PDE6C: variants seen among roughly 807,000 people sequenced by gnomAD.
The protein encoded by PDE6C is phosphodiesterase 6C.
A neutral mutation model predicts 113.1 loss-of-function variants in PDE6C; 75 were observed. The observed-to-expected ratio is 0.66, with a 90% CI of 0.55 to 0.80. The LOEUF (loss-of-function observed/expected upper bound fraction) is 0.80. Ranked by LOEUF, PDE6C falls within the 30% of genes least tolerant of loss-of-function variation. PDE6C has a pLI of 0.00. For missense variants in PDE6C, 912 were observed against 1,038.6 expected (o/e 0.88, Z 1.67); for synonymous variants, 375 against 363.7 (o/e 1.03, Z -0.35).
chr10:93,647,484 G>C (rs534749016), intron 15 of PDE6C, among the ~76,000 whole-genome samples: 3 of 152,166 alleles, frequency 2.0e-5, no homozygotes, highest in Admixed American at 6.5e-5. Context: ...AACTGCTTGC[G>C]TTGTTTTAAC....
Position 93,613,091 on chromosome 10 carries a change from G to C in PDE6C, c.366G>C (p.Lys122Asn). The C allele has an allele frequency of 6.2e-7, 1 of 1,614,208 alleles. No homozygotes were observed. The highest frequency in any genetic ancestry group is 8.5e-7 in the Non-Finnish European group (1 of 1,180,034). Residue 122 changes from lysine to asparagine, a missense_variant, in exon 1 of 22, where the codon AAG (lysine) becomes AAC (asparagine). Physicochemically the swap from Lys to Asn is moderately conservative, Grantham distance 94 (BLOSUM62 0). Coordinates refer to ENST00000371447, the MANE Select transcript of PDE6C (RefSeq NM_006204.4). Reference protein sequence around the residue: ...SRLLDVTPTSKFEDNLVGPDK... With the variant: ...SRLLDVTPTSNFEDNLVGPDK... Reference sequence around the variant, plus strand: ...TGCTGGATGTCACCCCCACCTCCAAGTTTGAGGACAACCTGGTGGGCCCTG... The same window carrying C: ...TGCTGGATGTCACCCCCACCTCCAACTTTGAGGACAACCTGGTGGGCCCTG...
chr10:93,655,610 CAAAAAAAAA>C, intron 15 of PDE6C, 141 bp from the exon 16 acceptor site: 1 of 265,130 alleles, frequency 3.8e-6, no homozygotes, highest in African/African-American at 4.9e-5. Flanking sequence ...AAAAGCAAGC[CAAAAAAAAA>C]AAAAAAAAAG....
At chr10:93,655,314 A>G (rs186053704) in intron 15 of PDE6C, among the ~76,000 whole-genome samples, 1 of 152,300 alleles carries the variant, frequency 6.6e-6, no homozygotes, top group East Asian at 1.9e-4. Context: ...CTGAAAGACC[A>G]GTGGTTTCTA....
At chr10:93,659,481 C>A (rs1399121838) in intron 18 of PDE6C, among the ~76,000 whole-genome samples, 3 of 152,036 alleles carry the variant, frequency 2.0e-5, no homozygotes, top group African/African-American at 4.8e-5. Flanking sequence ...TAAAGACATA[C>A]CCGAGACTGG....
chr10:93,665,813 G>C lies in PDE6C; in HGVS notation c.*395G>C. ...GGGGCTGGAAGTTCAAGATCAAGGA[G>C]TTGGCAGGGTTGGTTTCTTGGGAGG... On this transcript the variant is annotated 3_prime_UTR_variant, in exon 22 of 22. Coordinates refer to ENST00000371447, the MANE Select transcript of PDE6C (RefSeq NM_006204.4). The C allele has an allele frequency of 3.8e-6, 1 of 263,988 alleles. No homozygotes were observed. Among genetic ancestry groups the C allele is most frequent in the Non-Finnish European group, 7.3e-6 (1 of 136,864 alleles). 16.4% of individuals were successfully genotyped at this position (263,988 alleles called of 1,614,324 possible). A position where few individuals can be genotyped will look rare whatever the true frequency, so the allele number is the denominator to read the frequency against.
At chr10:93,652,451 AAATG>A (rs1480157857) in intron 15 of PDE6C, among the ~76,000 whole-genome samples, 1 of 152,220 alleles carries the variant, frequency 6.6e-6, no homozygotes, top group Non-Finnish European at 1.5e-5. Context: ...ATAAAAATGA[AAATG>A]AGTGAGAAGA....
At chr10:93,618,556 C>G (rs1279439888) in intron 1 of PDE6C, among the ~76,000 whole-genome samples, 2 of 152,200 alleles carry the variant, frequency 1.3e-5, no homozygotes, top group African/African-American at 2.4e-5. Flanking sequence ...TAGAAGAGAT[C>G]TGGAGTGAGG....
At chr10:93,665,034 A>G (rs1320140741) in intron 21 of PDE6C, among the ~76,000 whole-genome samples, 1 of 151,934 alleles carries the variant, frequency 6.6e-6, no homozygotes, top group Non-Finnish European at 1.5e-5. Flanking sequence ...ACACTCAGCT[A>G]ATTTTTATAT....
At chr10:93,636,458 G>A (rs962832932) in intron 10 of PDE6C, among the ~76,000 whole-genome samples, 4 of 148,506 alleles carry the variant, frequency 2.7e-5, no homozygotes, top group Non-Finnish European at 5.9e-5. Context: ...TTTTGGTTTT[G>A]CCGAGTGGTT....
In PDE6C at chr10:93,649,513, T is replaced by G. The variant is rs2058599942; in HGVS notation, c.1935+3466T>G. Among the ~76,000 whole-genome samples, 5 of 152,316 alleles carry G rather than the reference T, an allele frequency of 3.3e-5. No individual in the cohort carries two copies. The South Asian group carries it at 1.0e-3, about 32-fold the overall frequency. ...CACAGGAAGCATGGAGAGAAAGGAC[T>G]CCATGTGTTCCCACTACCCAAGCTA... On this transcript the variant is annotated intron_variant, in intron 15 of 21. Coordinates refer to ENST00000371447, the MANE Select transcript of PDE6C (RefSeq NM_006204.4).
intron 7 of PDE6C, 122 bp downstream of exon 7, chr10:93,626,993 T>C (rs893979218): frequency 1.3e-5 from 11 of 858,150 alleles, no homozygotes; most frequent in Non-Finnish European, 2.1e-5. Context: ...CCGGGCGCGG[T>C]GGCTCATGCC....
At chr10:93,632,628 G>A (rs1326218) in intron 8 of PDE6C, among the ~76,000 whole-genome samples, 61,438 of 151,774 alleles carry the variant, frequency 0.4, 12,524 homozygotes, top group East Asian at 0.56. Flanking sequence ...TAACAAATAC[G>A]CATGAAGTTC....
intron 15 of PDE6C, among the ~76,000 whole-genome samples, chr10:93,649,208 G>A (rs2058598374): frequency 6.6e-6 from 1 of 152,144 alleles, no homozygotes; most frequent in Non-Finnish European, 1.5e-5. Context: ...CAGGGCCCGT[G>A]GCCAGAGGCT....
chr10:93,659,079 T>A (rs773380539), intron 17 of PDE6C, 25 bp from the exon 18 acceptor site: 26 of 1,597,628 alleles, frequency 1.6e-5, no homozygotes, highest in East Asian at 2.3e-5. Context: ...ATTTCTATTT[T>A]AAAATTTTTT....
At chr10:93,614,198 C>T (rs559581056) in intron 1 of PDE6C, among the ~76,000 whole-genome samples, 20 of 152,260 alleles carry the variant, frequency 1.3e-4, no homozygotes, top group African/African-American at 3.9e-4. Context: ...TTGTGAAATG[C>T]TTTCTGTGCA....
rs144237010 is a variant in PDE6C, at chr10:93,626,228, A to C, written c.940-412A>C. Among the ~76,000 whole-genome samples the C allele has an allele frequency of 2.0e-4, 31 of 152,302 alleles. No homozygotes were observed. In the East Asian group the frequency reaches 5.8e-3, roughly 28 times the overall value. On this transcript the variant is annotated intron_variant, in intron 5 of 21. Transcript: ENST00000371447. ...TGATGAAAGGAGGGTACGGGTCACT[A>C]TATATAATGTAAAACTGACTACAGT...
At chr10:93,658,327 T>G (rs527496425) in intron 16 of PDE6C, among the ~76,000 whole-genome samples, 4 of 152,126 alleles carry the variant, frequency 2.6e-5, no homozygotes, top group African/African-American at 9.7e-5. Flanking sequence ...TTGTTCAAAT[T>G]TGTAGTTTCT....
At chr10:93,658,189 A>AAAAG (rs1419287452) in intron 16 of PDE6C, among the ~76,000 whole-genome samples, 14 of 140,198 alleles carry the variant, frequency 1.0e-4, no homozygotes, top group South Asian at 4.4e-4. Flanking sequence ...AAAAAAAAAA[A>AAAAG]AAAGAAAAAG....
At position 93,620,618 on chromosome 10, in the gene PDE6C, A is replaced by G. The variant is rs2058440760; in HGVS notation, c.481-14A>G. On this transcript the variant is annotated splice_polypyrimidine_tract_variant and intron_variant, in intron 1 of 21. Coordinates refer to ENST00000371447, the MANE Select transcript of PDE6C (RefSeq NM_006204.4). The stretch of plus-strand genomic sequence containing the variant: ...TTTGTGCCACTTTGACAAATATGTG[A>G]CTGTCTCTTTCAGAACAGCCATTTT... 18 of 1,613,814 alleles carry G rather than the reference A, an allele frequency of 1.1e-5. No individual in the cohort carries two copies. The highest frequency in any genetic ancestry group is 1.4e-5 in the Non-Finnish European group (17 of 1,179,728).
Sources: allele counts gnomAD v4.1 joint callset (sites outside exome capture counted in the v4.1 genomes callset), GRCh38; gene constraint gnomAD v4.1.1; transcripts MANE v1.5; gene names NCBI Gene and HGNC (gene_info 2026-07-23, HGNC 2026-07-21).